NIPA2: variants seen among roughly 807,000 people sequenced by gnomAD.
NIPA2 encodes NIPA magnesium transporter 2, also known as magnesium transporter NIPA2.
A neutral mutation model predicts 29.7 loss-of-function variants in NIPA2; 11 were observed. That is an observed-to-expected ratio of 0.37 (90% CI 0.23 to 0.61). The LOEUF (loss-of-function observed/expected upper bound fraction) is 0.61. Among genes scored for constraint, NIPA2 ranks in the 20% least tolerant of loss-of-function variants. The pLI, the probability that NIPA2 is intolerant of heterozygous loss-of-function variation, is 0.66. For missense variants in NIPA2, 426 were observed against 437.9 expected, an observed-to-expected ratio of 0.97 and a Z score of 0.24; for synonymous variants, 183 against 161.9, an observed-to-expected ratio of 1.13 and a Z score of -0.99.
chr15:22,866,802 T>C lies in NIPA2; in HGVS notation c.1038T>C (p.Thr346=). ...TAACCTGTGGAATCGAACAACACAC[T>C]GGTGAAAATGTCTCCCGAAGAAATG... The part of the protein sequence containing the change: ...ESLTCGIEQH[T]GENVSRRNGN... The change falls in exon 8 of 8, where the codon ACT becomes ACC. Residue 346 remains threonine (T), a synonymous_variant. Transcript: ENST00000337451. The C allele has an allele frequency of 6.2e-7, 1 of 1,603,790 alleles. No homozygotes were observed. Among genetic ancestry groups the C allele is most frequent in the South Asian group, 1.1e-5 (1 of 89,326 alleles).
chr15:22,863,113 C>T, intron 7 of NIPA2, among the ~76,000 whole-genome samples: 1 of 150,626 alleles, frequency 6.6e-6, no homozygotes, highest in South Asian at 2.1e-4. Context: ...TGGAGTCTCG[C>T]CGTCACCCAG....
chr15:22,849,103 C>T lies in NIPA2; in HGVS notation c.-93-2536C>T, dbSNP rs532502423. On this transcript the variant is annotated intron_variant, in intron 3 of 7. Coordinates refer to ENST00000337451, the MANE Select transcript of NIPA2 (RefSeq NM_030922.7). ...TAGAAATGATGATTGTCCCTGACAT[C>T]TTGTTTCAAGTTCTCCTACCTTGTC... is the stretch of plus-strand genomic sequence containing the variant. Among the ~76,000 whole-genome samples, 51 of 152,212 alleles carry T rather than the reference C, an allele frequency of 3.4e-4. 3 individuals carry two copies. In the South Asian group the frequency reaches 9.3e-3, roughly 28 times the overall value.
chr15:22,858,576 C>A lies in NIPA2; in HGVS notation c.233C>A (p.Ala78Glu). 6.2e-7 allele frequency: 1 copy of A among 1,605,988 alleles called. No individual in the cohort carries two copies. The highest frequency in any genetic ancestry group is 8.5e-7 in the Non-Finnish European group (1 of 1,175,292). Reference sequence around the variant, plus strand: ...GAGGTGGCCAACTTCGCTGCGTATGCGTTTGCACCAGCCACTCTAGTGACT... The same window carrying A: ...GAGGTGGCCAACTTCGCTGCGTATGAGTTTGCACCAGCCACTCTAGTGACT... Reference protein sequence around the residue: ...AGEVANFAAYAFAPATLVTPL... With the variant: ...AGEVANFAAYEFAPATLVTPL... Residue 78 changes from alanine to glutamate, a missense_variant, in exon 6 of 8, where the codon GCG (alanine) becomes GAG (glutamate). This residue lies in a region of NIPA2 where 12 missense variants were observed against 31.5 expected (regional missense o/e 0.38). Transcript: ENST00000337451.
rs1167532599 is a variant in NIPA2 at position 22,861,486 on chromosome 15, C to CA, written c.448+699dup. Among the ~76,000 whole-genome samples, 7 of 152,286 alleles carry CA rather than the reference C, an allele frequency of 4.6e-5. No individual in the cohort carries two copies. The East Asian group carries it at 1.2e-3, about 25-fold the overall frequency. Reference sequence around the variant, plus strand: ...TTTGGTGGTGTCACTCTAGAGGAGACAAGAAAGGGCATGAAGAGATGAGAT... The same window carrying CA: ...TTTGGTGGTGTCACTCTAGAGGAGACAAAGAAAGGGCATGAAGAGATGAGAT... On this transcript the variant is annotated intron_variant, in intron 7 of 7. Transcript: ENST00000337451.
In NIPA2 at chr15:22,851,898, G is replaced by GA. The variant is rs763531786; in HGVS notation, c.139+28_139+29insA. 1.9e-6 allele frequency: 3 copies of GA among 1,599,162 alleles called. No homozygotes were observed. The South Asian group carries it at 3.4e-5, about 18-fold the overall frequency. Reference sequence around the variant, plus strand: ...AGGTTATGCCTTATGTGACTTTGAAGTGACCTCAGTGTCTACCTACATGCA... The same window carrying GA: ...AGGTTATGCCTTATGTGACTTTGAAGATGACCTCAGTGTCTACCTACATGCA... On this transcript the variant is annotated intron_variant, in intron 4 of 7. Coordinates refer to ENST00000337451, the MANE Select transcript of NIPA2 (RefSeq NM_030922.7).
chr15:22,865,272 G>A (rs376800225), intron 7 of NIPA2, among the ~76,000 whole-genome samples: 166 of 151,846 alleles, frequency 1.1e-3, no homozygotes, highest in African/African-American at 3.9e-3. Flanking sequence ...GGATCACGAG[G>A]TCAGGAGATG....
intron 5 of NIPA2, among the ~76,000 whole-genome samples, chr15:22,857,945 A>G (rs73420287): frequency 0.07 from 10,651 of 151,760 alleles, 569 homozygotes; most frequent in East Asian, 0.23. Flanking sequence ...GTCCTGGGAT[A>G]TAAGTATCTA....
chr15:22,856,864 A>T (rs1006363661), intron 5 of NIPA2, among the ~76,000 whole-genome samples: 2 of 152,162 alleles, frequency 1.3e-5, no homozygotes, highest in African/African-American at 4.8e-5. Flanking sequence ...CTTTTGGAAA[A>T]AGCAGTAGCC....
chr15:22,848,825 C>CA (rs35853443), intron 3 of NIPA2, among the ~76,000 whole-genome samples: 42,411 of 66,610 alleles, frequency 0.64, 15,502 homozygotes, highest in Non-Finnish European at 0.73. Context: ...ACTCTTGTCT[C>CA]AAAAAAAAAA....
chr15:22,860,134 C>T (rs566068549), intron 6 of NIPA2, among the ~76,000 whole-genome samples: 1 of 151,492 alleles, frequency 6.6e-6, no homozygotes, highest in Non-Finnish European at 1.5e-5. Flanking sequence ...AGGTCCTGCC[C>T]CAGCCTCCCG....
At position 22,862,715 on chromosome 15, in the gene NIPA2, T is replaced by G. The variant is rs72698078; in HGVS notation, c.448+1926T>G. On this transcript the variant is annotated intron_variant, in intron 7 of 7. Coordinates refer to ENST00000337451, the MANE Select transcript of NIPA2 (RefSeq NM_030922.7). ...GTTTCTCTTTTGGCTTTTAGGCATT[T>G]TTTAATTGAATGCTGGATGTAGGAT... Among the ~76,000 whole-genome samples, 1,016 of 152,216 alleles carry G rather than the reference T, an allele frequency of 6.7e-3. 20 individuals carry two copies. Among genetic ancestry groups the G allele is most frequent in the Non-Finnish European group, 8.4e-3 (573 of 68,012 alleles).
At position 22,857,157 on chromosome 15, in the gene NIPA2, G is replaced by A. The variant is rs1409703959; in HGVS notation, c.197-1383G>A. 3.3e-5 allele frequency among the ~76,000 whole-genome samples: 5 copies of A among 152,274 alleles called. 1 individual carries two copies. Among genetic ancestry groups the A allele is most frequent in the Admixed American group, 1.3e-4 (2 of 15,288 alleles). On this transcript the variant is annotated intron_variant, in intron 5 of 7. Coordinates refer to ENST00000337451, the MANE Select transcript of NIPA2 (RefSeq NM_030922.7). ...CTAAAAGTTTTATGAGAGGCTGGGC[G>A]TGGTGGCTCACGCCTGTAATCCCAG...
At chr15:22,863,542 G>A (rs1007026894) in intron 7 of NIPA2, among the ~76,000 whole-genome samples, 3 of 152,186 alleles carry the variant, frequency 2.0e-5, no homozygotes, top group African/African-American at 4.8e-5. Context: ...CCTCCTGGCC[G>A]GGCTTTCCAT....
intron 3 of NIPA2, among the ~76,000 whole-genome samples, chr15:22,848,825 CAAAAAAAAAAAAAA>C (rs35853443): frequency 7.5e-5 from 5 of 66,712 alleles, no homozygotes; most frequent in South Asian, 6.9e-4. Context: ...ACTCTTGTCT[CAAAAAAAAAAAAAA>C]AAAAAAAAAA....
intron 6 of NIPA2, among the ~76,000 whole-genome samples, chr15:22,858,862 C>G (rs2058401464): frequency 6.6e-6 from 1 of 152,152 alleles, no homozygotes; most frequent in African/African-American, 2.4e-5. Context: ...AGTACTAGTT[C>G]TACTTCGATT....
intron 6 of NIPA2, 60 bp from the exon 7 acceptor site, chr15:22,860,569 A>C (rs1483595201): frequency 2.8e-6 from 3 of 1,060,178 alleles, no homozygotes; most frequent in Non-Finnish European, 4.1e-6. Context: ...AGTTTTATTG[A>C]TATTTGAAAA....
intron 1 of NIPA2, 40 bp downstream of exon 1, chr15:22,838,961 G>T (rs963661210): frequency 5.3e-5 from 8 of 152,188 alleles, no homozygotes; most frequent in African/African-American, 1.9e-4. Context: ...AGCGCGAAGG[G>T]GCTGACTTGG....
chr15:22,857,292 G>C (rs1282131267), intron 5 of NIPA2, among the ~76,000 whole-genome samples: 2 of 151,450 alleles, frequency 1.3e-5, no homozygotes, highest in Non-Finnish European at 2.9e-5. Flanking sequence ...TCAGCCGGGT[G>C]TGGTGGCGGG....
intron 2 of NIPA2, among the ~76,000 whole-genome samples, chr15:22,843,797 C>A (rs559449152): frequency 2.0e-5 from 3 of 151,886 alleles, no homozygotes; most frequent in Non-Finnish European, 4.4e-5. Context: ...ATTACAGGCA[C>A]CCGCCCTCAT....
Sources: allele counts gnomAD v4.1 joint callset (sites outside exome capture counted in the v4.1 genomes callset), GRCh38; gene constraint gnomAD v4.1.1; regional missense constraint gnomAD v4.1.1; transcripts MANE v1.5; gene names NCBI Gene and HGNC (gene_info 2026-07-23, HGNC 2026-07-21).